FGF12: variants seen among roughly 807,000 people sequenced by gnomAD.
FGF12 encodes the protein fibroblast growth factor 12B.
In FGF12, 14 loss-of-function variants were observed where a neutral mutation model predicts 23.6. The observed-to-expected ratio is 0.59, with a 90% CI of 0.39 to 0.93. The LOEUF (loss-of-function observed/expected upper bound fraction) is 0.93, where lower values mean the gene tolerates loss of function less well. Among genes scored for constraint, FGF12 ranks in the 40% least tolerant of loss-of-function variants. The pLI, the probability that FGF12 is intolerant of heterozygous loss-of-function variation, is 0.00. For missense variants in FGF12, 175 were observed against 217.8 expected, an observed-to-expected ratio of 0.80 and a Z score of 1.24; for synonymous variants, 62 against 77.3, an observed-to-expected ratio of 0.80 and a Z score of 1.04.
intron 2 of FGF12, among the ~76,000 whole-genome samples, chr3:192,547,471 T>C (rs914857673): frequency 2.6e-5 from 4 of 152,198 alleles, no homozygotes; most frequent in Non-Finnish European, 5.9e-5. Context: ...ATCACCTCAA[T>C]GATACCAAGT....
At chr3:192,533,700 T>C (rs1725151969) in intron 2 of FGF12, among the ~76,000 whole-genome samples, 2 of 152,220 alleles carry the variant, frequency 1.3e-5, no homozygotes, top group Admixed American at 1.3e-4. Flanking sequence ...ATGTCTCTTC[T>C]AGTTTATTAA....
intron 3 of FGF12, among the ~76,000 whole-genome samples, chr3:192,340,794 T>C (rs1165160592): frequency 1.3e-5 from 2 of 152,128 alleles, no homozygotes; most frequent in South Asian, 2.1e-4. Context: ...TGTTATACCA[T>C]ACATAAAATT....
At chr3:192,299,699 G>A (rs781426532) in intron 4 of FGF12, among the ~76,000 whole-genome samples, 1 of 152,094 alleles carries the variant, frequency 6.6e-6, no homozygotes, top group Non-Finnish European at 1.5e-5. Context: ...ATAAATTCTT[G>A]TTAATTAAAT....
At chr3:192,554,304 G>T (rs575449038) in intron 2 of FGF12, among the ~76,000 whole-genome samples, 1 of 152,164 alleles carries the variant, frequency 6.6e-6, no homozygotes, top group Admixed American at 6.5e-5. Context: ...GGGGGGAATT[G>T]TTTCTGTGTC....
At chr3:192,517,739 T>C (rs1724706982) in intron 2 of FGF12, among the ~76,000 whole-genome samples, 1 of 152,200 alleles carries the variant, frequency 6.6e-6, no homozygotes, top group African/African-American at 2.4e-5. Flanking sequence ...TAAGTAAGTA[T>C]GAAAGGGACT....
At chr3:192,482,070 A>G (rs1013577439) in intron 2 of FGF12, among the ~76,000 whole-genome samples, 1 of 152,192 alleles carries the variant, frequency 6.6e-6, no homozygotes, top group Non-Finnish European at 1.5e-5. Context: ...CATTATCACA[A>G]GCCAACCTTA....
chr3:192,407,927 G>A, intron 2 of FGF12: 1 of 1,292,568 alleles, frequency 7.7e-7, no homozygotes, highest in Non-Finnish European at 1.1e-6. Flanking sequence ...ATGTAAAAGA[G>A]GAATCCTGGT....
chr3:192,446,728 T>A (rs191702471), intron 2 of FGF12, among the ~76,000 whole-genome samples: 10 of 152,246 alleles, frequency 6.6e-5, no homozygotes, highest in African/African-American at 1.9e-4. Flanking sequence ...AATATTTTCC[T>A]CCATCCTGCC....
chr3:192,415,330 A>G lies in FGF12; in HGVS notation c.14-54792T>C, dbSNP rs531253003. Among the ~76,000 whole-genome samples, 48 of 152,240 alleles carry G rather than the reference A, an allele frequency of 3.2e-4. No homozygotes were observed. The South Asian group carries it at 9.5e-3, about 30-fold the overall frequency. ...AGATCCCTATTTGAATGTAATACCC[A>G]TAAGGACAGGGCCATTGTCTATTTT... On this transcript the variant is annotated intron_variant, in intron 2 of 5. Transcript: ENST00000445105.
At chr3:192,350,023 T>C (rs1175206594) in intron 3 of FGF12, among the ~76,000 whole-genome samples, 2 of 152,172 alleles carry the variant, frequency 1.3e-5, no homozygotes, top group Non-Finnish European at 2.9e-5. Flanking sequence ...GTTTCAATGG[T>C]ATAATGATTA....
At chr3:192,697,369 C>T (rs2108726921) in intron 2 of FGF12, among the ~76,000 whole-genome samples, 1 of 152,316 alleles carries the variant, frequency 6.6e-6, no homozygotes, top group Non-Finnish European at 1.5e-5. Flanking sequence ...TCTCTCCCAT[C>T]AGCAATCTGA....
chr3:192,195,512 A>T (rs964323932), intron 4 of FGF12, among the ~76,000 whole-genome samples: 2 of 152,222 alleles, frequency 1.3e-5, no homozygotes, highest in African/African-American at 4.8e-5. Context: ...ATTATTCCAT[A>T]AATGGACAGG....
At chr3:192,688,355 AC>A (rs998655471) in intron 2 of FGF12, among the ~76,000 whole-genome samples, 1 of 149,668 alleles carries the variant, frequency 6.7e-6, no homozygotes. Context: ...CTCTATAACC[AC>A]CCCCCAACCT....
At chr3:192,589,290 G>A (rs974663638) in intron 2 of FGF12, among the ~76,000 whole-genome samples, 1 of 148,944 alleles carries the variant, frequency 6.7e-6, no homozygotes, top group East Asian at 2.0e-4. Flanking sequence ...AGCCGAGATT[G>A]CACCACTGCC....
chr3:192,567,640 T>A (rs1560152790), intron 2 of FGF12, among the ~76,000 whole-genome samples: 1 of 152,138 alleles, frequency 6.6e-6, no homozygotes, highest in Non-Finnish European at 1.5e-5. Context: ...AATCCTCTCT[T>A]GACTTTTTAG....
intron 4 of FGF12, among the ~76,000 whole-genome samples, chr3:192,279,938 G>C (rs980539208): frequency 6.6e-6 from 1 of 152,156 alleles, no homozygotes; most frequent in Non-Finnish European, 1.5e-5. Context: ...AAACAATTTA[G>C]CCTTGCATTT....
intron 4 of FGF12, among the ~76,000 whole-genome samples, chr3:192,226,862 T>A (rs2108579141): frequency 6.6e-6 from 1 of 152,202 alleles, no homozygotes; most frequent in East Asian, 1.9e-4. Context: ...CCACTATACA[T>A]ATATATATAC....
At chr3:192,665,842 C>G (rs1041520644) in intron 2 of FGF12, among the ~76,000 whole-genome samples, 1 of 152,112 alleles carries the variant, frequency 6.6e-6, no homozygotes, top group Non-Finnish European at 1.5e-5. Flanking sequence ...GCACTCAAAA[C>G]CGAATTCAGG....
At chr3:192,233,283 T>C (rs150879678) in intron 4 of FGF12, among the ~76,000 whole-genome samples, 113 of 152,340 alleles carry the variant, frequency 7.4e-4, no homozygotes, top group African/African-American at 2.7e-3. Flanking sequence ...GTGGTTTTTA[T>C]TTACATTTCT....
Sources: gnomAD v4.1 joint callset for allele counts (sites outside exome capture counted in the v4.1 genomes callset) on GRCh38, gnomAD v4.1.1 for gene constraint, MANE v1.5 for transcripts, NCBI Gene and HGNC (gene_info 2026-07-23, HGNC 2026-07-21) for gene names.